The following TANC2 variants were observed in gnomAD, a reference collection of about 807,000 sequenced individuals.
The protein encoded by TANC2 is tetratricopeptide repeat, ankyrin repeat and coiled-coil containing 2, also known as protein TANC2.
Under a neutral mutation model 210.5 loss-of-function variants are expected in TANC2, and 26 were observed. The observed-to-expected ratio is 0.12, with a 90% CI of 0.09 to 0.17. The LOEUF (loss-of-function observed/expected upper bound fraction) is 0.17, where lower values mean the gene tolerates loss of function less well. Among genes scored for constraint, TANC2 ranks in the 10% least tolerant of loss-of-function variants. TANC2 has a pLI of 1.00. For missense variants in TANC2, 2,129 were observed against 2,608.9 expected (o/e 0.82, Z 4.01); for synonymous variants, 931 against 967.1 (o/e 0.96, Z 0.69).
intron 11 of TANC2, chr17:63,332,437 T>C: frequency 2.8e-6 from 1 of 362,216 alleles, no homozygotes. Flanking sequence ...GAACAGACTC[T>C]GCAATAAAGG....
intron 7 of TANC2, among the ~76,000 whole-genome samples, chr17:63,220,296 TAA>T (rs1300715584): frequency 6.5e-5 from 8 of 123,262 alleles, no homozygotes; most frequent in Admixed American, 1.6e-4. Context: ...CTCCGTCTCA[TAA>T]AAAAAAAAAA....
intron 7 of TANC2, among the ~76,000 whole-genome samples, chr17:63,221,802 G>C (rs1043634242): frequency 6.6e-6 from 1 of 152,214 alleles, no homozygotes; most frequent in Non-Finnish European, 1.5e-5. Context: ...GCTGGTGTGA[G>C]TGTAAAATGG....
intron 7 of TANC2, among the ~76,000 whole-genome samples, chr17:63,230,191 TAGC>T (rs1181326952): frequency 6.6e-6 from 1 of 152,202 alleles, no homozygotes; most frequent in Non-Finnish European, 1.5e-5. Context: ...TTAGTCCAGT[TAGC>T]AGTCCATCCA....
At chr17:63,397,506 T>G (rs960341514) in intron 18 of TANC2, among the ~76,000 whole-genome samples, 12 of 152,354 alleles carry the variant, frequency 7.9e-5, no homozygotes, top group African/African-American at 2.6e-4. Flanking sequence ...AAACTACTTC[T>G]CGTCCACATA....
At position 63,211,873 on chromosome 17, in the gene TANC2, T is replaced by C. The variant is rs575322816; in HGVS notation, c.769+10916T>C. Among the ~76,000 whole-genome samples the C allele has an allele frequency of 3.2e-4, 49 of 152,206 alleles. No individual in the cohort carries two copies. In the South Asian group the frequency reaches 9.1e-3, roughly 28 times the overall value. ...GAAAGGCTCACCTGGCATTTTGTTG[T>C]AGTTGTTTTGTTTTCTTTTATTATA... is the stretch of plus-strand genomic sequence containing the variant. On this transcript the variant is annotated intron_variant, in intron 7 of 27. Coordinates refer to ENST00000689528, the Ensembl canonical transcript of TANC2.
rs949434331 is a variant in TANC2, at chr17:63,176,819, A to C, written c.434-17172A>C. Among the ~76,000 whole-genome samples the C allele has an allele frequency of 9.5e-4, 145 of 151,856 alleles. 1 individual carries two copies. Among genetic ancestry groups the C allele is most frequent in the African/African-American group, 2.8e-3 (118 of 41,430 alleles). ...AGACTCCATCTCAAAAAAAAAAAAA[A>C]AAAAAACAGGAAAAAGATCAGTGGT... On this transcript the variant is annotated intron_variant, in intron 5 of 27. Transcript: ENST00000689528.
At chr17:63,410,544 G>A (rs1023025974) in intron 21 of TANC2, among the ~76,000 whole-genome samples, 1 of 152,024 alleles carries the variant, frequency 6.6e-6, no homozygotes, top group African/African-American at 2.4e-5. Flanking sequence ...TGATGAGACT[G>A]TCTCAAGGAG....
chr17:63,359,086 C>T (rs2046875786), intron 14 of TANC2, among the ~76,000 whole-genome samples: 1 of 151,382 alleles, frequency 6.6e-6, no homozygotes, highest in East Asian at 1.9e-4. Flanking sequence ...TTTTTTAATA[C>T]AGTATCTCAC....
At position 63,372,933 on chromosome 17, in the gene TANC2, C is replaced by T. The variant is rs192307309; in HGVS notation, c.2583-6785C>T. Among the ~76,000 whole-genome samples, 218 of 130,124 alleles carry T rather than the reference C, an allele frequency of 1.7e-3. 1 individual carries two copies. The highest frequency in any genetic ancestry group is 9.7e-4 in the African/African-American group (33 of 34,132). The allele number at this position is 130,124 out of a possible 152,430, so 85.4% of individuals were successfully genotyped here. On this transcript the variant is annotated intron_variant, in intron 14 of 27. Coordinates refer to ENST00000689528, the Ensembl canonical transcript of TANC2. The stretch of plus-strand genomic sequence containing the variant: ...TTTTTTGAGATAGGGTCTTGCTCGT[C>T]ACCCAGGCTGAAGTGCAGTAGCACG...
At chr17:63,209,580 C>T (rs935614061) in intron 7 of TANC2, among the ~76,000 whole-genome samples, 15 of 152,142 alleles carry the variant, frequency 9.9e-5, no homozygotes, top group South Asian at 2.1e-4. Flanking sequence ...ATTACAGGCA[C>T]GCACCACCAT....
intron 14 of TANC2, among the ~76,000 whole-genome samples, chr17:63,369,431 C>G (rs1361540035): frequency 4.6e-5 from 7 of 152,090 alleles, no homozygotes; most frequent in Admixed American, 4.6e-4. Context: ...GGCTTTTATA[C>G]TGGAAGGCTG....
intron 2 of TANC2, among the ~76,000 whole-genome samples, chr17:63,038,407 GTATTT>G (rs2035058424): frequency 6.6e-6 from 1 of 151,980 alleles, no homozygotes; most frequent in East Asian, 1.9e-4. Context: ...CTACATTACT[GTATTT>G]TATTTTCTAA....
intron 5 of TANC2, among the ~76,000 whole-genome samples, chr17:63,179,862 C>A (rs765042351): frequency 2.0e-5 from 3 of 151,358 alleles, no homozygotes; most frequent in Admixed American, 6.6e-5. Flanking sequence ...CAAAATATTT[C>A]TTCTAGGCTG....
intron 14 of TANC2, among the ~76,000 whole-genome samples, chr17:63,362,290 A>G (rs1370049489): frequency 6.6e-6 from 1 of 152,056 alleles, no homozygotes; most frequent in Non-Finnish European, 1.5e-5. Flanking sequence ...TTCAGAAGGG[A>G]GGACATGCAT....
intron 2 of TANC2, among the ~76,000 whole-genome samples, chr17:63,020,886 G>T (rs2034317830): frequency 6.6e-6 from 1 of 152,168 alleles, no homozygotes; most frequent in African/African-American, 2.4e-5. Flanking sequence ...GGTGAAGCAG[G>T]ATCAAGTGTG....
chr17:62,986,388 G>GATGCA lies in TANC2; in HGVS notation c.-24+19641_-24+19645dup, dbSNP rs888520742. Reference sequence around the variant, plus strand: ...CTTCAGGGTTATTTCTCATGCCCAGGATGCAAGCACACACCTGCTTGGCTG... The same window carrying GATGCA: ...CTTCAGGGTTATTTCTCATGCCCAGGATGCAATGCAAGCACACACCTGCTTGGCTG... On this transcript the variant is annotated intron_variant, in intron 1 of 27. Coordinates refer to ENST00000689528, the Ensembl canonical transcript of TANC2. Among the ~76,000 whole-genome samples the GATGCA allele has an allele frequency of 9.2e-5, 14 of 152,196 alleles. 1 individual carries two copies. The highest frequency in any genetic ancestry group is 2.9e-4 in the African/African-American group (12 of 41,454).
chr17:63,225,808 A>G (rs994851435), intron 7 of TANC2, among the ~76,000 whole-genome samples: 2 of 152,212 alleles, frequency 1.3e-5, no homozygotes, highest in Admixed American at 1.3e-4. Context: ...TTTGCCTTCA[A>G]TCAGGTAATC....
intron 9 of TANC2, among the ~76,000 whole-genome samples, chr17:63,279,340 A>G (rs1427930418): frequency 6.6e-6 from 1 of 152,176 alleles, no homozygotes; most frequent in Non-Finnish European, 1.5e-5. Flanking sequence ...CTACATTATC[A>G]TGACAGCCCC....
intron 7 of TANC2, among the ~76,000 whole-genome samples, chr17:63,208,886 A>G (rs762324456): frequency 2.0e-5 from 3 of 152,120 alleles, no homozygotes; most frequent in Non-Finnish European, 4.4e-5. Flanking sequence ...TAAATAATTT[A>G]TAGTTTTTTT....
Sources: allele counts gnomAD v4.1 joint callset (sites outside exome capture counted in the v4.1 genomes callset), GRCh38; gene constraint gnomAD v4.1.1; transcripts MANE v1.5; gene names NCBI Gene and HGNC (gene_info 2026-07-23, HGNC 2026-07-21).